Variants in GMEB2 observed in about 807,000 individuals in gnomAD.
GMEB2 encodes glucocorticoid modulatory element-binding protein 2.
In GMEB2, 7 loss-of-function variants were observed where a neutral mutation model predicts 45.7. The ratio of observed to expected loss-of-function variants is 0.15; its 90% confidence interval spans 0.09 to 0.29. GMEB2 has a LOEUF of 0.29. Ranked by LOEUF, GMEB2 falls within the 10% of genes least tolerant of loss-of-function variation. The pLI, the probability that GMEB2 is intolerant of heterozygous loss-of-function variation, is 1.00. For missense variants in GMEB2, 582 were observed against 739.2 expected (o/e 0.79, Z 2.47); for synonymous variants, 322 against 323.6 (o/e 1.00, Z 0.05).
intron 2 of GMEB2, 86 bp from the exon 3 acceptor site, chr20:63,604,926 T>A (rs982693462): frequency 3.7e-6 from 3 of 803,394 alleles, no homozygotes; most frequent in Non-Finnish European, 6.7e-6. Flanking sequence ...AGCGCTTTGC[T>A]GACCTGTTAC....
At chr20:63,622,473 T>C (rs1042733144) in intron 1 of GMEB2, among the ~76,000 whole-genome samples, 6 of 152,198 alleles carry the variant, frequency 3.9e-5, no homozygotes, top group African/African-American at 1.4e-4. Context: ...TTTTCCAGCA[T>C]GGGAACATTT....
intron 2 of GMEB2, among the ~76,000 whole-genome samples, chr20:63,606,108 A>G (rs2089517002): frequency 6.6e-6 from 1 of 152,236 alleles, no homozygotes; most frequent in African/African-American, 2.4e-5. Context: ...ATCAGAAAAT[A>G]CAAAATTTTA....
In GMEB2 at chr20:63,592,483, A is replaced by G; in HGVS notation, c.829+50T>C. 1 of 1,497,884 alleles carries G rather than the reference A, an allele frequency of 6.7e-7. No homozygotes were observed. The highest frequency in any genetic ancestry group is 9.2e-7 in the Non-Finnish European group (1 of 1,087,420). The allele number at this position is 1,497,884 out of a possible 1,614,324, so 92.8% of individuals were successfully genotyped here. ...GAGGGCCAGTGGCCTCACCTCCTGCAGAGACTCCTGGGCTGAGTAGCCAGC... is the reference window on the plus strand; with the variant it reads ...GAGGGCCAGTGGCCTCACCTCCTGCGGAGACTCCTGGGCTGAGTAGCCAGC... On this transcript the variant is annotated intron_variant, in intron 8 of 9. Transcript: ENST00000370077. The surrounding 1 kb of genome is among the most constrained non-coding windows in gnomAD (Gnocchi z 8.2).
At chr20:63,606,367 A>G (rs1434355738) in intron 2 of GMEB2, among the ~76,000 whole-genome samples, 1 of 83,128 alleles carries the variant, frequency 1.2e-5, no homozygotes, top group African/African-American at 3.3e-5. Flanking sequence ...TTTTTTTTTG[A>G]GACGGAGTCT....
intron 4 of GMEB2, 104 bp from the exon 5 acceptor site, chr20:63,597,964 G>T (rs532910229): frequency 1.4e-6 from 1 of 726,622 alleles, no homozygotes. Context: ...CAGGAAAAGC[G>T]CCACGGCACG....
chr20:63,612,736 A>T (rs2089579879), intron 2 of GMEB2, among the ~76,000 whole-genome samples: 1 of 151,502 alleles, frequency 6.6e-6, no homozygotes, highest in African/African-American at 2.4e-5. Flanking sequence ...AAAGCAGAGG[A>T]GAGCCACCCA....
chr20:63,593,613 TGG>T lies in GMEB2; in HGVS notation c.620-533_620-532del, dbSNP rs1356745801. ...GGGCTTTGAGAGACAGAAACCGTCC[TGG>T]CTCTTCCTGTGGGTCCCTCTCTCGC... On this transcript the variant is annotated intron_variant, in intron 6 of 9. Coordinates refer to ENST00000370077, the MANE Select transcript of GMEB2 (RefSeq NM_012384.5). The surrounding 1 kb of genome is among the most constrained non-coding windows in gnomAD (Gnocchi z 4.7). 6.6e-6 allele frequency among the ~76,000 whole-genome samples: 1 copy of T among 152,210 alleles called. No homozygotes were observed. The highest frequency in any genetic ancestry group is 6.5e-5 in the Admixed American group (1 of 15,282).
Position 63,610,051 on chromosome 20 carries a change from G to C in GMEB2, c.132-5211C>G, listed in dbSNP as rs116723334. ...ACATGGTGTTCCCACACTGGCATGA[G>C]GGTTGTCTGAAACAGGGAACAAGTC... On this transcript the variant is annotated intron_variant, in intron 2 of 9. Coordinates refer to ENST00000370077, the MANE Select transcript of GMEB2 (RefSeq NM_012384.5). Among the ~76,000 whole-genome samples, 518 of 152,344 alleles carry C rather than the reference G, an allele frequency of 3.4e-3. 4 individuals are homozygous for C. The highest frequency in any genetic ancestry group is 1.0e-2 in the African/African-American group (415 of 41,582).
intron 1 of GMEB2, among the ~76,000 whole-genome samples, chr20:63,621,029 T>C (rs934501880): frequency 6.6e-6 from 1 of 151,912 alleles, no homozygotes; most frequent in African/African-American, 2.4e-5. Flanking sequence ...CAAACAGAAA[T>C]GTGAAAATTA....
chr20:63,591,439 C>T (rs1031781823), intron 9 of GMEB2, among the ~76,000 whole-genome samples: 2 of 151,762 alleles, frequency 1.3e-5, no homozygotes, highest in Admixed American at 6.6e-5. Flanking sequence ...GAGCTCTGAG[C>T]GGGGTCAGGA....
chr20:63,620,190 T>C (rs1374255012), intron 1 of GMEB2, among the ~76,000 whole-genome samples: 1 of 152,236 alleles, frequency 6.6e-6, no homozygotes, highest in Non-Finnish European at 1.5e-5. Flanking sequence ...TGAGGCACCA[T>C]GCCTGGCCTG....
intron 5 of GMEB2, among the ~76,000 whole-genome samples, chr20:63,595,978 G>A (rs1205191947): frequency 2.0e-5 from 3 of 152,192 alleles, no homozygotes; most frequent in African/African-American, 2.4e-5. Flanking sequence ...CCAGGCCCAC[G>A]CTACGGCACT....
intron 1 of GMEB2, among the ~76,000 whole-genome samples, chr20:63,620,317 G>A (rs1481833294): frequency 6.6e-6 from 1 of 152,128 alleles, no homozygotes; most frequent in African/African-American, 2.4e-5. Context: ...TGGAGACAGG[G>A]GAATCTTCCT....
intron 1 of GMEB2, among the ~76,000 whole-genome samples, chr20:63,620,693 C>G (rs1044029794): frequency 6.6e-6 from 1 of 152,166 alleles, no homozygotes; most frequent in Non-Finnish European, 1.5e-5. Context: ...CCTAAGAACA[C>G]AGACACAGGA....
chr20:63,615,403 C>A (rs1399858648), intron 2 of GMEB2, among the ~76,000 whole-genome samples: 1 of 152,114 alleles, frequency 6.6e-6, no homozygotes, highest in Non-Finnish European at 1.5e-5. Context: ...TGGCTCACTG[C>A]AGCCTCAACC....
intron 2 of GMEB2, among the ~76,000 whole-genome samples, chr20:63,605,526 T>TTA (rs2089511769): frequency 7.8e-6 from 1 of 128,356 alleles, no homozygotes; most frequent in African/African-American, 3.0e-5. Flanking sequence ...CCGTCAAAAT[T>TTA]AAAAAAAAAA....
chr20:63,609,069 C>A (rs1359145606), intron 2 of GMEB2, among the ~76,000 whole-genome samples: 1 of 111,620 alleles, frequency 9.0e-6, no homozygotes, highest in East Asian at 2.1e-4. Context: ...ATGCCCCTGA[C>A]CCCACACCTC....
chr20:63,601,727 C>T (rs1192597623), intron 4 of GMEB2, among the ~76,000 whole-genome samples: 18 of 152,250 alleles, frequency 1.2e-4, no homozygotes, highest in Non-Finnish European at 2.2e-4. Flanking sequence ...TCTTCTAAGC[C>T]TTAAAACCCC....
intron 1 of GMEB2, among the ~76,000 whole-genome samples, chr20:63,621,802 G>C (rs907857857): frequency 2.7e-5 from 4 of 149,192 alleles, no homozygotes; most frequent in Non-Finnish European, 5.9e-5. Flanking sequence ...AGACTAGAAA[G>C]TACAGAATAT....
Sources: gnomAD v4.1 joint callset for allele counts (sites outside exome capture counted in the v4.1 genomes callset) on GRCh38, gnomAD v4.1.1 for gene constraint, Gnocchi (gnomAD v3.1) non-coding constraint, MANE v1.5 for transcripts, NCBI Gene and HGNC (gene_info 2026-07-23, HGNC 2026-07-21) for gene names.